Variants in SEMA5B observed in about 807,000 individuals in gnomAD.
SEMA5B encodes semaphorin-5B.
Under a neutral mutation model 135.0 loss-of-function variants are expected in SEMA5B, and 66 were observed. That is an observed-to-expected ratio of 0.49 (90% confidence interval 0.40 to 0.60). The LOEUF is 0.60. Among genes scored for constraint, SEMA5B ranks in the 20% least tolerant of loss-of-function variants. The pLI is 0.00. For synonymous variants in SEMA5B, 690 were observed against 639.5 expected, an observed-to-expected ratio of 1.08 and a Z score of -1.19; for missense variants, 1,501 against 1,566.3, an observed-to-expected ratio of 0.96 and a Z score of 0.70.
intron 2 of SEMA5B, among the ~76,000 whole-genome samples, chr3:122,954,772 G>A (rs1407131905): frequency 2.0e-5 from 3 of 151,340 alleles, no homozygotes; most frequent in Admixed American, 1.3e-4. Flanking sequence ...AGAAAAATAT[G>A]GGCCCTGTGG....
At chr3:122,928,645 A>G in intron 6 of SEMA5B, 30 bp from the exon 7 acceptor site, 3 of 1,492,408 alleles carry the variant, frequency 2.0e-6, no homozygotes, top group Non-Finnish European at 2.7e-6. Context: ...AGCAGACAGC[A>G]CAGCTCTCCA....
chr3:122,946,482 G>A (rs1274809081), intron 3 of SEMA5B, among the ~76,000 whole-genome samples: 1 of 152,124 alleles, frequency 6.6e-6, no homozygotes, highest in Non-Finnish European at 1.5e-5. Flanking sequence ...GGAGGCTGGG[G>A]TTGGTGCTGT....
chr3:123,016,770 G>A (rs1942568531), intron 1 of SEMA5B, among the ~76,000 whole-genome samples: 1 of 151,926 alleles, frequency 6.6e-6, no homozygotes. Flanking sequence ...TGTAGAGGTA[G>A]GGAGAGCCTT....
intron 1 of SEMA5B, among the ~76,000 whole-genome samples, chr3:122,987,692 C>T (rs1312738064): frequency 6.6e-6 from 1 of 152,142 alleles, no homozygotes; most frequent in African/African-American, 2.4e-5. Flanking sequence ...CTGTATTGGT[C>T]ACTGGATTGC....
rs778435626 is a variant in SEMA5B at position 122,910,877 on chromosome 3, G to A, written c.3260C>T (p.Thr1087Ile). The change falls in exon 22 of 23, where the codon ACC (threonine) becomes ATC (isoleucine). Residue 1087 changes from threonine to isoleucine, a missense_variant. Transcript: ENST00000357599. The part of the protein sequence containing the change: ...PNHLHYKGGG[T>I]PKNEKYTPME... ...GGGTGTGTACTTTTCATTCTTCGGGGTGCCTCCGCCCTTGTAGTGCAAATG... is the reference window on the plus strand; with the variant it reads ...GGGTGTGTACTTTTCATTCTTCGGGATGCCTCCGCCCTTGTAGTGCAAATG... 12 of 1,613,144 alleles carry A rather than the reference G, an allele frequency of 7.4e-6. No homozygotes were observed. The highest frequency in any genetic ancestry group is 2.2e-5 in the South Asian group (2 of 91,024).
At position 122,986,798 on chromosome 3, in the gene SEMA5B, A is replaced by C. The variant is rs188533198; in HGVS notation, c.-38-25497T>G. Among the ~76,000 whole-genome samples the C allele has an allele frequency of 4.3e-4, 66 of 152,310 alleles. No homozygotes were observed. In the East Asian group the frequency reaches 0.01, roughly 24 times the overall value. ...GCTGAAGTTAACCCTATAACCCTGC[A>C]TTTGCTCTACCATCTTCAAAAGAGG... On this transcript the variant is annotated intron_variant, in intron 1 of 22. Coordinates refer to ENST00000357599, the MANE Select transcript of SEMA5B (RefSeq NM_001031702.4).
At chr3:123,003,623 A>G (rs1942235346) in intron 1 of SEMA5B, among the ~76,000 whole-genome samples, 1 of 152,140 alleles carries the variant, frequency 6.6e-6, no homozygotes, top group South Asian at 2.1e-4. Context: ...TCACGAGGTC[A>G]GGAGTTCGAA....
intron 1 of SEMA5B, among the ~76,000 whole-genome samples, chr3:122,970,919 C>G (rs561583748): frequency 2.0e-5 from 3 of 152,312 alleles, no homozygotes; most frequent in African/African-American, 7.2e-5. Flanking sequence ...AATAGCCTTC[C>G]CTTTAGGGAC....
chr3:122,962,791 G>C (rs1450282536), intron 1 of SEMA5B, among the ~76,000 whole-genome samples: 1 of 152,166 alleles, frequency 6.6e-6, no homozygotes, highest in Non-Finnish European at 1.5e-5. Context: ...ACCACAGACT[G>C]GGGTGATGGG....
intron 3 of SEMA5B, among the ~76,000 whole-genome samples, chr3:122,945,272 G>T (rs1939734819): frequency 6.6e-6 from 1 of 152,164 alleles, no homozygotes; most frequent in Admixed American, 6.5e-5. Flanking sequence ...GTGATTATAG[G>T]TTGGTGACTA....
In SEMA5B at chr3:122,910,317, G is replaced by C; in HGVS notation, c.3298-16C>G. The C allele has an allele frequency of 6.2e-7, 1 of 1,613,436 alleles. No individual in the cohort carries two copies. The highest frequency in any genetic ancestry group is 1.1e-5 in the South Asian group (1 of 90,930). ...TGTTCAGGGTCTGTGGGTGGAAGAA[G>C]GAACCAGAGAAAGGGGTGAGGGAAC... On this transcript the variant is annotated splice_polypyrimidine_tract_variant and intron_variant, in intron 22 of 22. Transcript: ENST00000357599.
chr3:122,969,003 T>C (rs909288749), intron 1 of SEMA5B, among the ~76,000 whole-genome samples: 2 of 152,252 alleles, frequency 1.3e-5, no homozygotes, highest in African/African-American at 4.8e-5. Flanking sequence ...CCAGGACTTC[T>C]GGTGAAAATA....
At chr3:123,016,319 C>T (rs1193109313) in intron 1 of SEMA5B, among the ~76,000 whole-genome samples, 2 of 152,168 alleles carry the variant, frequency 1.3e-5, no homozygotes, top group African/African-American at 4.8e-5. Context: ...CCTAAGTATA[C>T]CTGGGGGACC....
upstream of SEMA5B, among the ~76,000 whole-genome samples, chr3:123,028,032 G>A (rs995607892): frequency 2.6e-5 from 4 of 152,098 alleles, no homozygotes; most frequent in Admixed American, 2.0e-4. Context: ...CCGGCATTCC[G>A]GCGGCAAGAC....
chr3:122,945,335 T>C (rs1432078040), intron 3 of SEMA5B, among the ~76,000 whole-genome samples: 1 of 152,192 alleles, frequency 6.6e-6, no homozygotes, highest in East Asian at 1.9e-4. Context: ...CAATATAGGA[T>C]AAGAAGTGGA....
intron 1 of SEMA5B, among the ~76,000 whole-genome samples, chr3:122,977,595 C>T (rs1941376431): frequency 6.6e-6 from 1 of 152,190 alleles, no homozygotes; most frequent in African/African-American, 2.4e-5. Flanking sequence ...TCTCATGCTC[C>T]TAGGATTTAA....
Position 122,926,473 on chromosome 3 carries a change from A to C in SEMA5B, c.1055T>G (p.Val352Gly). 6.2e-7 allele frequency: 1 copy of C among 1,613,988 alleles called. No individual in the cohort carries two copies. Among genetic ancestry groups the C allele is most frequent in the Non-Finnish European group, 8.5e-7 (1 of 1,180,004 alleles). The change falls in exon 9 of 23, where the codon GTC becomes GGC. Residue 352 changes from valine (V) to glycine (G), a missense_variant. Val to Gly is a moderately radical substitution (Grantham distance 109, BLOSUM62 -3). Around this residue, in one of 2 missense-constraint regions of SEMA5B, gnomAD observed 574 missense variants for 684.7 expected, o/e 0.84. Coordinates refer to ENST00000357599, the MANE Select transcript of SEMA5B (RefSeq NM_001031702.4). ...CTGCAGCTCGTTATAGTAGAAGGGG[A>C]CCTCGCCCGGGCGGGAGCAGTTGAG... is the stretch of plus-strand genomic sequence containing the variant. ...ARLNCSRPGE[V>G]PFYYNELQSA... is the part of the protein sequence containing the mutation.
chr3:123,019,754 G>T (rs1473942391), intron 1 of SEMA5B, among the ~76,000 whole-genome samples: 1 of 152,166 alleles, frequency 6.6e-6, no homozygotes, highest in Non-Finnish European at 1.5e-5. Context: ...TATGGTTCAG[G>T]GGCTGGAGGT....
chr3:122,925,284 C>T (rs1938565719), intron 9 of SEMA5B, among the ~76,000 whole-genome samples: 2 of 152,094 alleles, frequency 1.3e-5, no homozygotes, highest in African/African-American at 4.8e-5. Context: ...GGTGTCCAAT[C>T]TTTTGGCTTC....
Sources: allele counts gnomAD v4.1 joint callset (sites outside exome capture counted in the v4.1 genomes callset), GRCh38; gene constraint gnomAD v4.1.1; regional missense constraint gnomAD v4.1.1; transcripts MANE v1.5; gene names NCBI Gene and HGNC (gene_info 2026-07-23, HGNC 2026-07-21).